Variants in ZNF280C observed in about 807,000 individuals in gnomAD.
ZNF280C encodes the protein zinc finger protein 280C.
ZNF280C carries 14 observed loss-of-function variants against 53.6 expected under a neutral mutation model. The observed-to-expected ratio is 0.26, with a 90% CI of 0.17 to 0.41. The LOEUF (loss-of-function observed/expected upper bound fraction) is 0.41, where lower values mean the gene tolerates loss of function less well. ZNF280C is among the 10% of genes least tolerant of loss of function. The pLI is 1.00. For missense variants in ZNF280C, 416 were observed against 547.1 expected (o/e 0.76, Z 2.39); for synonymous variants, 203 against 181.1 (o/e 1.12, Z -0.97).
At chrX:130,248,747 C>A (rs190807764) in intron 2 of ZNF280C, among the ~76,000 whole-genome samples, 14 of 112,341 alleles carry the variant, frequency 1.2e-4, no homozygotes, top group African/African-American at 4.2e-4. Context: ...GCTTGACCAG[C>A]GGAGAGCTCC....
chrX:130,253,676 A>G (rs1305064045), intron 2 of ZNF280C, among the ~76,000 whole-genome samples: 1 of 112,368 alleles, frequency 8.9e-6, no homozygotes, highest in Non-Finnish European at 1.9e-5. Context: ...CTCCCTATTC[A>G]ATAAATGGTG....
chrX:130,228,617 C>CTTTTTTTTTTTTTTT (rs35926660), intron 10 of ZNF280C, among the ~76,000 whole-genome samples: 1 of 58,411 alleles, frequency 1.7e-5, no homozygotes, highest in Non-Finnish European at 2.8e-5. Context: ...TTTTCTTCTA[C>CTTTTTTTTTTTTTTT]TTTTTTTTTT....
chrX:130,205,036 T>C (rs755668691), intron 18 of ZNF280C, 44 bp from the exon 19 acceptor site: 1 of 1,029,323 alleles, frequency 9.7e-7, no homozygotes, highest in South Asian at 3.0e-5. Context: ...TTCATTTATA[T>C]TAATATTAAT....
chrX:130,230,727 G>A lies in ZNF280C; in HGVS notation c.772C>T (p.His258Tyr). The A allele has an allele frequency of 8.6e-7, 1 of 1,157,073 alleles. No homozygotes were observed. The highest frequency in any genetic ancestry group is 1.9e-5 in the South Asian group (1 of 52,306). Residue 258 changes from histidine to tyrosine, a missense_variant and splice_region_variant, in exon 9 of 19, where the codon CAT (histidine) becomes TAT (tyrosine). His to Tyr is a moderately conservative substitution (Grantham distance 83, BLOSUM62 2). Coordinates refer to ENST00000370978, the MANE Select transcript of ZNF280C (RefSeq NM_017666.5). ...LLDPLKYHMK[H>Y]CCPDMITKFL... The stretch of plus-strand genomic sequence containing the variant: ...TTAGTTATCATGTCTGGACAACAAT[G>A]CTGAAAGAGGAAAAAAATATGAGCC...
At chrX:130,242,077 T>G (rs2032398555) in intron 5 of ZNF280C, among the ~76,000 whole-genome samples, 1 of 105,928 alleles carries the variant, frequency 9.4e-6, no homozygotes, top group Admixed American at 1.0e-4. Context: ...ACCCTGTCTC[T>G]ACTAAAAATA....
At chrX:130,240,362 T>C (rs1352461891) in intron 5 of ZNF280C, among the ~76,000 whole-genome samples, 1 of 111,168 alleles carries the variant, frequency 9.0e-6, no homozygotes, top group Non-Finnish European at 1.9e-5. Flanking sequence ...ACAGTATATA[T>C]TCTTCCCTGT....
rs188460100 is a variant in ZNF280C at position 130,243,929 on chromosome X, C to T, written c.179-64G>A. ...TGAAATATATACTAATAGAAAAATT[C>T]CTCCAAAAACATATCTTTGCATAAC... is the stretch of plus-strand genomic sequence containing the variant. On this transcript the variant is annotated intron_variant, in intron 3 of 18. Transcript: ENST00000370978. 2.1e-3 allele frequency: 1,523 copies of T among 732,882 alleles called. 2 individuals carry two copies. Among genetic ancestry groups the T allele is most frequent in the Middle Eastern group, 6.0e-3 (12 of 1,990 alleles). The allele number at this position is 732,882 out of a possible 1,213,427, so 60.4% of individuals were successfully genotyped here.
chrX:130,261,886 C>T (rs779321295), intron 1 of ZNF280C, among the ~76,000 whole-genome samples: 6 of 110,776 alleles, frequency 5.4e-5, no homozygotes, highest in East Asian at 2.8e-4. Flanking sequence ...TTCACAAGCA[C>T]GACTCATCAT....
chrX:130,238,887 A>T (rs1001181793), intron 6 of ZNF280C, among the ~76,000 whole-genome samples: 1 of 111,683 alleles, frequency 9.0e-6, no homozygotes, highest in Non-Finnish European at 1.9e-5. Context: ...TTAGTGAAAC[A>T]TATCAAACTA....
At chrX:130,207,423 G>A (rs969545840) in intron 16 of ZNF280C, among the ~76,000 whole-genome samples, 3 of 111,372 alleles carry the variant, frequency 2.7e-5, no homozygotes, top group African/African-American at 6.5e-5. Context: ...GCAGTGGCGC[G>A]ATCTCGGCTC....
rs758915026 is a variant in ZNF280C, at chrX:130,230,702, T to G, written c.797A>C (p.Lys266Thr). Residue 266 changes from lysine (K) to threonine (T), a missense_variant, in exon 9 of 19, where the codon AAA (lysine) becomes ACA (threonine). This residue lies in a region of ZNF280C where 193 missense variants were observed against 201.4 expected (regional missense o/e 0.96). Transcript: ENST00000370978. ...TGATTTAACAATTACTCCCAAAAAT[T>G]TAGTTATCATGTCTGGACAACAATG... ...MKHCCPDMIT[K>T]FLGVIVKSER... 2 of 1,203,076 alleles carry G rather than the reference T, an allele frequency of 1.7e-6. No homozygotes were observed. The highest frequency in any genetic ancestry group is 1.8e-5 in the African/African-American group (1 of 56,983).
intron 2 of ZNF280C, among the ~76,000 whole-genome samples, chrX:130,253,010 G>C (rs746207307): frequency 8.9e-6 from 1 of 111,743 alleles, no homozygotes; most frequent in Non-Finnish European, 1.9e-5. Context: ...CCAATATCTA[G>C]AAAACCCCAT....
At chrX:130,219,880 TCA>T (rs2032145346) in intron 13 of ZNF280C, among the ~76,000 whole-genome samples, 2 of 108,826 alleles carry the variant, frequency 1.8e-5, no homozygotes, top group South Asian at 7.9e-4. Flanking sequence ...ACCACATCAA[TCA>T]ACTAAAAAAA....
At chrX:130,263,853 C>T (rs1217967692) in intron 1 of ZNF280C, among the ~76,000 whole-genome samples, 1 of 108,806 alleles carries the variant, frequency 9.2e-6, no homozygotes, top group African/African-American at 3.3e-5. Context: ...GGTGAAACCC[C>T]GTCTCTACTA....
chrX:130,216,418 G>A (rs1603240213), intron 13 of ZNF280C, among the ~76,000 whole-genome samples: 1 of 112,060 alleles, frequency 8.9e-6, no homozygotes, highest in Non-Finnish European at 1.9e-5. Context: ...GCATGAGTTA[G>A]GCAACGGTTT....
At chrX:130,244,823 CA>C (rs2032434054) in intron 3 of ZNF280C, among the ~76,000 whole-genome samples, 1 of 98,003 alleles carries the variant, frequency 1.0e-5, no homozygotes, top group Non-Finnish European at 2.1e-5. Flanking sequence ...TCAGATCTCA[CA>C]AAACAATTCT....
chrX:130,245,950 A>G (rs2032445524), intron 3 of ZNF280C, among the ~76,000 whole-genome samples: 1 of 110,421 alleles, frequency 9.1e-6, no homozygotes, highest in Admixed American at 9.7e-5. Context: ...ATGACTGGCT[A>G]ATTTTTTAAT....
intron 15 of ZNF280C, among the ~76,000 whole-genome samples, chrX:130,209,937 G>T (rs1318032928): frequency 1.8e-5 from 2 of 111,338 alleles, no homozygotes; most frequent in East Asian, 5.6e-4. Context: ...ATTAAGAGGT[G>T]GGGCCTTTGG....
intron 1 of ZNF280C, among the ~76,000 whole-genome samples, chrX:130,265,581 G>C (rs952861954): frequency 8.9e-6 from 1 of 111,776 alleles, no homozygotes; most frequent in African/African-American, 3.3e-5. Context: ...ATCCACCAGG[G>C]AAAATGTAAG....
Sources: allele counts gnomAD v4.1 joint callset (sites outside exome capture counted in the v4.1 genomes callset), GRCh38; gene constraint gnomAD v4.1.1; regional missense constraint gnomAD v4.1.1; transcripts MANE v1.5; gene names NCBI Gene and HGNC (gene_info 2026-07-23, HGNC 2026-07-21).